Variants in TANC2 observed in about 807,000 individuals in gnomAD.
The protein encoded by TANC2 is protein TANC2.
Under a neutral mutation model 210.5 loss-of-function variants are expected in TANC2, and 26 were observed. The ratio of observed to expected loss-of-function variants is 0.12; its 90% CI spans 0.09 to 0.17. TANC2 has a LOEUF of 0.17. Among genes scored for constraint, TANC2 ranks in the 10% least tolerant of loss-of-function variants. The probability of loss-of-function intolerance (pLI) is 1.00; values close to 1 mark genes in which losing one functional copy is unlikely to be tolerated. For missense variants in TANC2, 2,129 were observed against 2,608.9 expected, an observed-to-expected ratio of 0.82 and a Z score of 4.01; for synonymous variants, 931 against 967.1, an observed-to-expected ratio of 0.96 and a Z score of 0.69.
chr17:63,086,850 G>A (rs2036985652), intron 3 of TANC2, among the ~76,000 whole-genome samples: 1 of 149,942 alleles, frequency 6.7e-6, no homozygotes, highest in East Asian at 1.9e-4. Flanking sequence ...GCGCTCTGTA[G>A]CTAGCTAGAG....
chr17:62,980,105 C>T (rs1015488360), intron 1 of TANC2, among the ~76,000 whole-genome samples: 3 of 152,132 alleles, frequency 2.0e-5, no homozygotes, highest in Admixed American at 6.5e-5. Flanking sequence ...ACCTGTAAAA[C>T]ACCGTTTCTT....
At chr17:62,972,571 A>G (rs2031763224) in intron 1 of TANC2, among the ~76,000 whole-genome samples, 1 of 152,150 alleles carries the variant, frequency 6.6e-6, no homozygotes, top group Middle Eastern at 3.4e-3. Flanking sequence ...CTTTGCCTAC[A>G]TTTCTTCCAT....
intron 14 of TANC2, among the ~76,000 whole-genome samples, chr17:63,365,158 T>A (rs760156137): frequency 5.3e-5 from 8 of 152,230 alleles, no homozygotes; most frequent in Non-Finnish European, 1.0e-4. Context: ...GCCAGTGTAG[T>A]GCAACATGAC....
intron 2 of TANC2, among the ~76,000 whole-genome samples, chr17:63,010,346 CTG>C (rs1426152168): frequency 6.6e-6 from 1 of 152,124 alleles, no homozygotes; most frequent in Non-Finnish European, 1.5e-5. Context: ...AGTTTCCAAA[CTG>C]TTGCTGATTT....
intron 1 of TANC2, among the ~76,000 whole-genome samples, chr17:62,979,585 T>C (rs2032198075): frequency 6.6e-6 from 1 of 152,194 alleles, no homozygotes; most frequent in South Asian, 2.1e-4. Flanking sequence ...TTTACAGAGC[T>C]TTCTCTTCTC....
At chr17:63,278,358 T>C (rs536819490) in intron 9 of TANC2, among the ~76,000 whole-genome samples, 5 of 152,042 alleles carry the variant, frequency 3.3e-5, no homozygotes, top group African/African-American at 1.2e-4. Flanking sequence ...AAATAGCCAA[T>C]AGGTATATGA....
chr17:63,105,569 G>GA (rs1335299422), intron 4 of TANC2, among the ~76,000 whole-genome samples: 1 of 151,370 alleles, frequency 6.6e-6, no homozygotes, highest in Non-Finnish European at 1.5e-5. Context: ...TTTATGATGG[G>GA]AAAAAAATAC....
intron 2 of TANC2, among the ~76,000 whole-genome samples, chr17:63,015,842 A>T (rs951472915): frequency 5.9e-5 from 9 of 151,862 alleles, no homozygotes; most frequent in African/African-American, 2.2e-4. Flanking sequence ...GTTTATATAT[A>T]TTTTCTTATT....
At chr17:63,106,795 CAAG>C (rs2037841694) in intron 4 of TANC2, among the ~76,000 whole-genome samples, 1 of 151,768 alleles carries the variant, frequency 6.6e-6, no homozygotes, top group East Asian at 1.9e-4. Context: ...AGGTTTTAGA[CAAG>C]AAAGTAATTT....
chr17:63,331,498 C>T (rs147417681), intron 11 of TANC2, among the ~76,000 whole-genome samples: 16 of 152,350 alleles, frequency 1.1e-4, no homozygotes, highest in East Asian at 1.9e-4. Flanking sequence ...ATTAGATTCT[C>T]ATCCATCTCT....
intron 2 of TANC2, among the ~76,000 whole-genome samples, chr17:63,066,449 A>G (rs1228421541): frequency 2.0e-5 from 3 of 152,066 alleles, no homozygotes; most frequent in African/African-American, 7.2e-5. Flanking sequence ...CGTGGAGGCT[A>G]GGTTTACATT....
chr17:63,131,615 G>T (rs1264732223), intron 4 of TANC2, among the ~76,000 whole-genome samples: 1 of 151,534 alleles, frequency 6.6e-6, no homozygotes, highest in East Asian at 1.9e-4. Context: ...CAAATATCCA[G>T]TATTAACGGA....
At chr17:63,105,893 A>G (rs1182526453) in intron 4 of TANC2, among the ~76,000 whole-genome samples, 1 of 151,690 alleles carries the variant, frequency 6.6e-6, no homozygotes, top group Admixed American at 6.6e-5. Flanking sequence ...ATTAAAAAAT[A>G]TAGGAGACAT....
exon 14 of TANC2, chr17:63,355,295 C>T: frequency 6.2e-7 from 1 of 1,613,152 alleles, no homozygotes; most frequent in Non-Finnish European, 8.5e-7. Flanking sequence ...TAATCAAGCG[C>T]AGAGACATGA....
chr17:63,194,117 T>G (rs755920448), exon 6 of TANC2: 3 of 1,613,326 alleles, frequency 1.9e-6, no homozygotes, highest in Non-Finnish European at 2.5e-6. Context: ...CAATACAGCA[T>G]GGAAGTACAG....
chr17:63,307,911 G>A (rs2044979171), intron 9 of TANC2, among the ~76,000 whole-genome samples: 1 of 152,060 alleles, frequency 6.6e-6, no homozygotes, highest in South Asian at 2.1e-4. Context: ...GACTACAGGC[G>A]CCCGCTGCCA....
chr17:63,155,095 C>T (rs2039789009), intron 5 of TANC2: 1 of 151,844 alleles, frequency 6.6e-6, no homozygotes, highest in African/African-American at 2.4e-5. Context: ...AATTTTCTTT[C>T]TTGGGCAGCA....
At chr17:63,140,497 T>TA (rs2039249085) in intron 4 of TANC2, among the ~76,000 whole-genome samples, 1 of 152,200 alleles carries the variant, frequency 6.6e-6, no homozygotes, top group South Asian at 2.1e-4. Context: ...GAGGAAGAGA[T>TA]ACACTGTAGA....
intron 9 of TANC2, among the ~76,000 whole-genome samples, chr17:63,296,093 C>T (rs938279543): frequency 2.0e-5 from 3 of 152,150 alleles, no homozygotes; most frequent in African/African-American, 7.2e-5. Flanking sequence ...CTACTTCCTG[C>T]TATCAAATGG....
Sources: gnomAD v4.1 joint callset for allele counts (sites outside exome capture counted in the v4.1 genomes callset) on GRCh38, gnomAD v4.1.1 for gene constraint, MANE v1.5 for transcripts, NCBI Gene and HGNC (gene_info 2026-07-23, HGNC 2026-07-21) for gene names.